MERTK: variants seen among roughly 807,000 people sequenced by gnomAD.
MERTK encodes tyrosine-protein kinase Mer.
Under a neutral mutation model 99.3 loss-of-function variants are expected in MERTK, and 69 were observed. That is an observed-to-expected ratio of 0.70 (90% CI 0.57 to 0.85). The LOEUF (loss-of-function observed/expected upper bound fraction) is 0.85, where lower values mean the gene tolerates loss of function less well. Among genes scored for constraint, MERTK ranks in the 40% least tolerant of loss-of-function variants. The probability of loss-of-function intolerance (pLI) is 0.00; values close to 1 mark genes in which losing one functional copy is unlikely to be tolerated. For missense variants in MERTK, 1,125 were observed against 1,249.4 expected (o/e 0.90, Z 1.50); for synonymous variants, 426 against 467.6 (o/e 0.91, Z 1.15).
Position 111,929,240 on chromosome 2 carries a change from C to G in MERTK, c.182C>G (p.Pro61Arg). The change falls in exon 2 of 19, where the codon CCT (proline) becomes CGT (arginine). Residue 61 changes from proline to arginine, a missense_variant. By Grantham distance (103) the Pro-to-Arg change is moderately radical. Transcript: ENST00000295408. ...LSLPHASGYQ[P>R]ALMFSPTQPG... is the part of the protein sequence containing the mutation. ...CTTCCTCACGCCAGTGGGTACCAGC[C>G]TGCCTTGATGTTTTCACCAACCCAG... 1 of 1,614,204 alleles carries G rather than the reference C, an allele frequency of 6.2e-7. No homozygotes were observed. The highest frequency in any genetic ancestry group is 8.5e-7 in the Non-Finnish European group (1 of 1,180,040).
At chr2:111,945,532 C>T (rs2104703064) in intron 3 of MERTK, among the ~76,000 whole-genome samples, 1 of 152,350 alleles carries the variant, frequency 6.6e-6, no homozygotes. Flanking sequence ...CTCAACAGCT[C>T]AGCCTGAGAC....
chr2:111,981,365 T>C (rs1024435026), intron 7 of MERTK, among the ~76,000 whole-genome samples: 1 of 152,184 alleles, frequency 6.6e-6, no homozygotes, highest in Non-Finnish European at 1.5e-5. Context: ...GACCTAATTC[T>C]TTCCAGTGAC....
intron 2 of MERTK, among the ~76,000 whole-genome samples, chr2:111,944,627 G>A (rs1367608677): frequency 5.3e-4 from 1 of 1,876 alleles, no homozygotes; most frequent in East Asian, 0.01. Context: ...GAGTCCTCAG[G>A]CAGTTTGGAA....
intron 14 of MERTK, chr2:112,008,702 G>T (rs1677037334): frequency 6.6e-6 from 4 of 607,514 alleles, no homozygotes; most frequent in Non-Finnish European, 3.0e-6. Context: ...GGAATGATTT[G>T]AGTTTTCCAC....
At chr2:111,965,467 A>G (rs1352016836) in intron 5 of MERTK, among the ~76,000 whole-genome samples, 190 bp downstream of exon 5, 1 of 152,084 alleles carries the variant, frequency 6.6e-6, no homozygotes, top group African/African-American at 2.4e-5. Flanking sequence ...TAATTACAGA[A>G]CCTACCTATT....
intron 8 of MERTK, among the ~76,000 whole-genome samples, chr2:111,985,729 A>G (rs921333265): frequency 6.6e-6 from 1 of 152,120 alleles, no homozygotes; most frequent in Non-Finnish European, 1.5e-5. Flanking sequence ...GGATCTCACG[A>G]GACTCACTGT....
At chr2:111,941,118 C>G in intron 2 of MERTK, 1 of 359,724 alleles carries the variant, frequency 2.8e-6, no homozygotes, top group Non-Finnish European at 5.3e-6. Context: ...CTGGGACTTG[C>G]ATGCCTGAAA....
intron 1 of MERTK, among the ~76,000 whole-genome samples, chr2:111,925,288 A>T (rs1684536546): frequency 5.4e-5 from 2 of 37,174 alleles, no homozygotes; most frequent in Non-Finnish European, 9.5e-5. Context: ...ATATATATAT[A>T]TATATTTTTT....
intron 15 of MERTK, among the ~76,000 whole-genome samples, chr2:112,018,070 C>T (rs1404626658): frequency 3.3e-5 from 5 of 152,172 alleles, no homozygotes; most frequent in Admixed American, 3.3e-4. Context: ...ACAGCTCCTA[C>T]ACAAGAAGAA....
chr2:111,993,088 A>G (rs1173756564), intron 8 of MERTK, among the ~76,000 whole-genome samples: 1 of 152,070 alleles, frequency 6.6e-6, no homozygotes, highest in African/African-American at 2.4e-5. Context: ...AAAAATTCTC[A>G]TACACTTCTT....
intron 4 of MERTK, 51 bp from the exon 5 acceptor site, chr2:111,965,140 A>ACAG: frequency 6.7e-7 from 1 of 1,486,582 alleles, no homozygotes; most frequent in South Asian, 1.1e-5. Context: ...ATTGTAGTGA[A>ACAG]CAGCAGCCTG....
At chr2:111,933,270 C>T (rs531015007) in intron 2 of MERTK, among the ~76,000 whole-genome samples, 1 of 152,312 alleles carries the variant, frequency 6.6e-6, no homozygotes, top group South Asian at 2.1e-4. Flanking sequence ...GACCTCTCTT[C>T]TCACATCTCC....
chr2:112,008,811 T>A lies in MERTK; in HGVS notation c.1960+336T>A. ...ATTTTTATTAATTTAAGGTTATGCA[T>A]GAGTTAGATAGCAGTGGGATAAAGG... On this transcript the variant is annotated intron_variant, in intron 14 of 18. Transcript: ENST00000295408. 3.6e-5 allele frequency: 14 copies of A among 383,654 alleles called. 1 individual carries two copies. Among genetic ancestry groups the A allele is most frequent in the South Asian group, 3.4e-4 (14 of 41,576 alleles). 23.8% of individuals were successfully genotyped at this position (383,654 alleles called of 1,614,324 possible).
chr2:111,919,151 T>C (rs1573570017), intron 1 of MERTK, among the ~76,000 whole-genome samples: 1 of 152,132 alleles, frequency 6.6e-6, no homozygotes, highest in Non-Finnish European at 1.5e-5. Flanking sequence ...CCACCTCTCC[T>C]GCAGCCTCCT....
At chr2:111,951,549 A>ATATATATATATATATATG (rs1685057322) in intron 4 of MERTK, among the ~76,000 whole-genome samples, 10 of 118,776 alleles carry the variant, frequency 8.4e-5, no homozygotes, top group Non-Finnish European at 1.8e-4. Flanking sequence ...ATATATATAT[A>ATATATATATATATATATG]CCATAATTTT....
intron 8 of MERTK, among the ~76,000 whole-genome samples, chr2:111,987,495 A>T (rs141218993): frequency 1.3e-5 from 2 of 152,286 alleles, no homozygotes; most frequent in Admixed American, 6.5e-5. Flanking sequence ...TACTGTCTGA[A>T]CACAGGGCCT....
chr2:111,994,150 G>A (rs994507677), intron 8 of MERTK, 101 bp from the exon 9 acceptor site: 29 of 1,371,848 alleles, frequency 2.1e-5, no homozygotes, highest in African/African-American at 4.3e-5. Flanking sequence ...TTCTGGCCTC[G>A]GACGTGGGCG....
At chr2:112,027,996 G>A (rs984196092) in intron 18 of MERTK, among the ~76,000 whole-genome samples, 21 of 152,240 alleles carry the variant, frequency 1.4e-4, no homozygotes, top group African/African-American at 4.8e-4. Flanking sequence ...GGATAGCTGT[G>A]TTCCAATAAA....
chr2:112,009,000 T>C (rs553140760), intron 14 of MERTK, among the ~76,000 whole-genome samples: 1 of 152,208 alleles, frequency 6.6e-6, no homozygotes, highest in Non-Finnish European at 1.5e-5. Flanking sequence ...GCAGCTCCAT[T>C]AGCCAAAAAT....
Sources: allele counts gnomAD v4.1 joint callset (sites outside exome capture counted in the v4.1 genomes callset), GRCh38; gene constraint gnomAD v4.1.1; transcripts MANE v1.5; gene names NCBI Gene and HGNC (gene_info 2026-07-23, HGNC 2026-07-21).